Variants in CACNA1E observed in about 807,000 individuals in gnomAD.
CACNA1E encodes the protein calcium voltage-gated channel subunit alpha1 E.
In CACNA1E, 40 loss-of-function variants were observed where a neutral mutation model predicts 259.2. The ratio of observed to expected loss-of-function variants is 0.15; its 90% CI spans 0.12 to 0.20. The LOEUF (loss-of-function observed/expected upper bound fraction) is 0.20, where lower values mean the gene tolerates loss of function less well. Among genes scored for constraint, CACNA1E ranks in the 10% least tolerant of loss-of-function variants. The pLI is 1.00. For missense variants in CACNA1E, 1,874 were observed against 3,040.1 expected, an observed-to-expected ratio of 0.62 and a Z score of 9.02; for synonymous variants, 1,104 against 1,138.5, an observed-to-expected ratio of 0.97 and a Z score of 0.61.
chr1:181,716,933 A>G (rs1572687633), intron 10 of CACNA1E, among the ~76,000 whole-genome samples, 160 bp from the exon 11 acceptor site: 1 of 152,198 alleles, frequency 6.6e-6, no homozygotes, highest in Non-Finnish European at 1.5e-5. Flanking sequence ...GTCACTGCCT[A>G]TAGAAACTAC....
At chr1:181,466,892 A>G (rs1240428879) in intron 2 of CACNA1E, among the ~76,000 whole-genome samples, 1 of 152,244 alleles carries the variant, frequency 6.6e-6, no homozygotes, top group East Asian at 1.9e-4. Flanking sequence ...AAAGCATAAA[A>G]TAGTCCCTGG....
chr1:181,727,780 G>T (rs1398870085), intron 18 of CACNA1E, among the ~76,000 whole-genome samples: 1 of 152,186 alleles, frequency 6.6e-6, no homozygotes, highest in Non-Finnish European at 1.5e-5. Flanking sequence ...CCCCAAGGGG[G>T]TAGAAGTCTA....
chr1:181,623,274 G>C (rs775273723), intron 6 of CACNA1E, among the ~76,000 whole-genome samples: 1 of 152,070 alleles, frequency 6.6e-6, no homozygotes, highest in East Asian at 1.9e-4. Flanking sequence ...ATGTATTATA[G>C]TGTACCTTAA....
At chr1:181,408,980 A>G (rs1300842686) in intron 1 of CACNA1E, among the ~76,000 whole-genome samples, 3 of 150,192 alleles carry the variant, frequency 2.0e-5, no homozygotes, top group African/African-American at 7.4e-5. Context: ...TCCATTTCCT[A>G]TTTTTGCCAG....
intron 7 of CACNA1E, among the ~76,000 whole-genome samples, chr1:181,707,452 A>G (rs1652900937): frequency 6.6e-6 from 1 of 152,168 alleles, no homozygotes; most frequent in African/African-American, 2.4e-5. Context: ...ACTTCCAAAC[A>G]CAAGGAGGCA....
chr1:181,452,826 T>C (rs2102341823), intron 2 of CACNA1E, among the ~76,000 whole-genome samples: 1 of 152,358 alleles, frequency 6.6e-6, no homozygotes, highest in Middle Eastern at 3.4e-3. Context: ...GATCTTGTTC[T>C]AGGTTGTCTG....
At chr1:181,689,202 A>C (rs1194114571) in intron 7 of CACNA1E, among the ~76,000 whole-genome samples, 2 of 151,408 alleles carry the variant, frequency 1.3e-5, no homozygotes, top group East Asian at 1.9e-4. Flanking sequence ...TCATTGTTCA[A>C]CTCCCACTTA....
At position 181,365,753 on chromosome 1, in the gene CACNA1E, C is replaced by T. The variant is rs1654225149; in HGVS notation, c.-14-47380C>T. On this transcript the variant is annotated intron_variant, in intron 1 of 11. Coordinates refer to the CACNA1E transcript ENST00000524607. Reference sequence around the variant, plus strand: ...CAGGCCTTCTTCTCTGTGGCTGGGGCCATGGACCTGCTCTGGTGTCCTGAC... The same window carrying T: ...CAGGCCTTCTTCTCTGTGGCTGGGGTCATGGACCTGCTCTGGTGTCCTGAC... Among the ~76,000 whole-genome samples, 2 of 152,196 alleles carry T rather than the reference C, an allele frequency of 1.3e-5. 1 individual carries two copies. The highest frequency in any genetic ancestry group is 4.1e-4 in the South Asian group (2 of 4,826).
intron 6 of CACNA1E, among the ~76,000 whole-genome samples, chr1:181,640,031 G>A (rs1003199237): frequency 3.3e-5 from 5 of 152,088 alleles, no homozygotes; most frequent in South Asian, 2.1e-4. Context: ...GGAGGAATTC[G>A]GCATCAGTGT....
intron 2 of CACNA1E, among the ~76,000 whole-genome samples, chr1:181,421,056 T>C (rs865783246): frequency 9.9e-5 from 15 of 152,284 alleles, no homozygotes; most frequent in Middle Eastern, 6.8e-3. Flanking sequence ...AACTGAGGCT[T>C]GATAAGGTTA....
At chr1:181,374,928 T>G (rs1571701970) in intron 1 of CACNA1E, among the ~76,000 whole-genome samples, 1 of 152,318 alleles carries the variant, frequency 6.6e-6, no homozygotes, top group Middle Eastern at 3.4e-3. Context: ...ATACGTATAA[T>G]TTTTGTATTT....
chr1:181,614,922 C>T (rs1655073641), intron 6 of CACNA1E, among the ~76,000 whole-genome samples: 1 of 152,000 alleles, frequency 6.6e-6, no homozygotes, highest in Admixed American at 6.6e-5. Context: ...AAATAATCTG[C>T]ATATAAGTGG....
At chr1:181,751,610 A>G (rs1439393562) in intron 26 of CACNA1E, among the ~76,000 whole-genome samples, 1 of 152,218 alleles carries the variant, frequency 6.6e-6, no homozygotes, top group African/African-American at 2.4e-5. Context: ...TGCAGCGGTG[A>G]CAAACCCAGA....
intron 1 of CACNA1E, among the ~76,000 whole-genome samples, chr1:181,508,769 G>T (rs1665929955): frequency 6.6e-6 from 1 of 152,202 alleles, no homozygotes; most frequent in African/African-American, 2.4e-5. Context: ...GGCTCTCAGG[G>T]GCTTCACACC....
At chr1:181,699,348 A>G (rs1272740398) in intron 7 of CACNA1E, among the ~76,000 whole-genome samples, 1 of 152,204 alleles carries the variant, frequency 6.6e-6, no homozygotes, top group African/African-American at 2.4e-5. Flanking sequence ...TTAGGGACAG[A>G]TGTTATTAAT....
At chr1:181,608,563 G>A (rs2103098434) in intron 6 of CACNA1E, among the ~76,000 whole-genome samples, 1 of 152,208 alleles carries the variant, frequency 6.6e-6, no homozygotes, top group East Asian at 1.9e-4. Flanking sequence ...CCAGAACACT[G>A]TTGTGACCAC....
chr1:181,771,988 G>A, intron 36 of CACNA1E, 78 bp from the exon 37 acceptor site: 2 of 1,375,178 alleles, frequency 1.5e-6, no homozygotes, highest in Non-Finnish European at 2.0e-6. Context: ...CGAGGATGGG[G>A]AAATTGGGAA....
intron 2 of CACNA1E, among the ~76,000 whole-genome samples, chr1:181,471,410 A>G (rs1662498398): frequency 6.6e-6 from 1 of 152,216 alleles, no homozygotes; most frequent in Admixed American, 6.5e-5. Flanking sequence ...TTATTTGGGA[A>G]ATGGTTGAAG....
intron 1 of CACNA1E, among the ~76,000 whole-genome samples, chr1:181,390,455 C>A (rs1236678308): frequency 6.6e-6 from 1 of 152,024 alleles, no homozygotes; most frequent in African/African-American, 2.4e-5. Context: ...TGAGCTTCTG[C>A]GTGTCCTTCC....
Sources: allele counts gnomAD v4.1 joint callset (sites outside exome capture counted in the v4.1 genomes callset), GRCh38; gene constraint gnomAD v4.1.1; transcripts MANE v1.5; gene names NCBI Gene and HGNC (gene_info 2026-07-23, HGNC 2026-07-21).